GADD45GIP1: variants seen among roughly 807,000 people sequenced by gnomAD.
The protein encoded by GADD45GIP1 is GADD45G interacting protein 1.
A neutral mutation model predicts 22.1 loss-of-function variants in GADD45GIP1; 17 were observed. That is an observed-to-expected ratio of 0.77 (90% CI 0.53 to 1.15). The LOEUF is 1.15. GADD45GIP1 is among the 50% of genes most tolerant of loss of function. GADD45GIP1 has a pLI of 0.00. For synonymous variants in GADD45GIP1, 135 were observed against 138.4 expected (o/e 0.98, Z 0.17); for missense variants, 294 against 314.0 (o/e 0.94, Z 0.48).
rs776064890 is a variant in GADD45GIP1, at chr19:12,953,900, C to T, written c.*308G>A. The T allele has an allele frequency of 3.5e-5, 12 of 344,084 alleles. No homozygotes were observed. Among genetic ancestry groups the T allele is most frequent in the Admixed American group, 9.0e-5 (2 of 22,116 alleles). The allele number at this position is 344,084 out of a possible 1,614,324, so 21.3% of individuals were successfully genotyped here. On this transcript the variant is annotated 3_prime_UTR_variant, in exon 2 of 2. Transcript: ENST00000316939. ...CAGTCTGTTTTGGCTATACTTCCCC[C>T]CCCACCAGCCTTGTAATTGGCTAAT...
chr19:12,953,247 T>TC lies in GADD45GIP1; in HGVS notation c.*960dup, dbSNP rs886983777. ...TCCCATCTCCCGGGCCAGACAGCTG[T>TC]CCCCCCGTCCTCCTCCCCAGCCCAG... On this transcript the variant is annotated 3_prime_UTR_variant, in exon 2 of 2. Transcript: ENST00000316939. The TC allele has an allele frequency of 1.2e-5, 5 of 420,894 alleles. No individual in the cohort carries two copies. The highest frequency in any genetic ancestry group is 2.1e-5 in the Non-Finnish European group (5 of 243,680). 26.1% of individuals were successfully genotyped at this position (420,894 alleles called of 1,614,324 possible).
rs1328897564 is a variant in GADD45GIP1, at chr19:12,954,229, G to A, written c.648C>T (p.Ala216=). The part of the protein sequence containing the change: ...LAAAVAQDPA[A]SGAPSS ...AGCCTCAGGAGCTGGGTGCCCCAGA[G>A]GCTGCTGGGTCTTGAGCCACAGCTG... Residue 216 remains alanine, a synonymous_variant, in exon 2 of 2, where the codon GCC becomes GCT. Coordinates refer to ENST00000316939, the MANE Select transcript of GADD45GIP1 (RefSeq NM_052850.4). The A allele has an allele frequency of 3.7e-6, 6 of 1,613,510 alleles. No homozygotes were observed. The highest frequency in any genetic ancestry group is 5.1e-6 in the Non-Finnish European group (6 of 1,179,850).
chr19:12,957,154 G>A lies in GADD45GIP1; in HGVS notation c.59C>T (p.Pro20Leu). The A allele has an allele frequency of 3.5e-6, 5 of 1,419,098 alleles. No homozygotes were observed. The highest frequency in any genetic ancestry group is 4.5e-6 in the Non-Finnish European group (5 of 1,100,054). The allele number at this position is 1,419,098 out of a possible 1,614,324, so 87.9% of individuals were successfully genotyped here. The change falls in exon 1 of 2, where the codon CCG (proline) becomes CTG (leucine). Residue 20 changes from proline (P) to leucine (L), a missense_variant. Transcript: ENST00000316939. ...SLLGVAATLA[P>L]GSRGYRARPP... ...CCGCGCCCGGTAGCCACGGGAACCC[G>A]GGGCCAGGGTCGCCGCCACACCTAG...
chr19:12,955,107 C>G (rs1971908011), intron 1 of GADD45GIP1, among the ~76,000 whole-genome samples: 1 of 152,128 alleles, frequency 6.6e-6, no homozygotes, highest in South Asian at 2.1e-4. Context: ...CTCCCTCCAC[C>G]CTCCAAAAAG....
At chr19:12,956,341 G>T (rs528328665) in intron 1 of GADD45GIP1, among the ~76,000 whole-genome samples, 1 of 152,188 alleles carries the variant, frequency 6.6e-6, no homozygotes, top group South Asian at 2.1e-4. Flanking sequence ...TCTTGCACAC[G>T]GTATGCGCTC....
chr19:12,954,916 T>G (rs1018000322), intron 1 of GADD45GIP1, among the ~76,000 whole-genome samples: 1 of 152,194 alleles, frequency 6.6e-6, no homozygotes, highest in African/African-American at 2.4e-5. Flanking sequence ...AAGAAAGACA[T>G]TTCCCACCAA....
At position 12,954,008 on chromosome 19, in the gene GADD45GIP1, C is replaced by G; in HGVS notation, c.*200G>C. ...CATTATTTGCCCATTGTACACCCCC[C>G]TTTTCCTCCCACTGAAGCCCCAGTT... On this transcript the variant is annotated 3_prime_UTR_variant, in exon 2 of 2. Coordinates refer to ENST00000316939, the MANE Select transcript of GADD45GIP1 (RefSeq NM_052850.4). 2 of 581,684 alleles carry G rather than the reference C, an allele frequency of 3.4e-6. No homozygotes were observed. The highest frequency in any genetic ancestry group is 6.1e-6 in the Non-Finnish European group (2 of 328,054). The allele number at this position is 581,684 out of a possible 1,614,324, so 36.0% of individuals were successfully genotyped here.
chr19:12,955,068 A>AT (rs1971907335), intron 1 of GADD45GIP1, among the ~76,000 whole-genome samples: 1 of 152,194 alleles, frequency 6.6e-6, no homozygotes, highest in South Asian at 2.1e-4. Context: ...TATTAAACCT[A>AT]GTACCTAGAG....
In GADD45GIP1 at chr19:12,954,507, A is replaced by G. The variant is rs776275022; in HGVS notation, c.370T>C (p.Cys124Arg). ...RREREQHIAE[C>R]MAKMPQMIVN... is the part of the protein sequence containing the mutation. ...ATCATCTGTGGCATCTTGGCCATGC[A>G]CTCTGCGATGTGCTGCTCCCTGCAG... The change falls in exon 2 of 2, where the codon TGC becomes CGC. Residue 124 changes from cysteine to arginine, a missense_variant. Transcript: ENST00000316939. The G allele has an allele frequency of 3.1e-6, 5 of 1,613,302 alleles. No individual in the cohort carries two copies. The African/African-American group carries it at 4.0e-5, about 13-fold the overall frequency.
intron 1 of GADD45GIP1, among the ~76,000 whole-genome samples, chr19:12,955,718 G>A (rs968226787): frequency 1.3e-5 from 2 of 152,132 alleles, no homozygotes; most frequent in Admixed American, 1.3e-4. Context: ...AAAATGAGCC[G>A]GGTGTGGTGG....
In GADD45GIP1 at chr19:12,954,550, G is replaced by C. The variant is rs780209760; in HGVS notation, c.351-24C>G. 3 of 1,585,558 alleles carry C rather than the reference G, an allele frequency of 1.9e-6. No individual in the cohort carries two copies. The African/African-American group carries it at 4.0e-5, about 21-fold the overall frequency. ...CCCTGCAGGGGAGGGAGAGTGGGCT[G>C]TGACACTGGCACTCAGCCAGGGCAG... On this transcript the variant is annotated intron_variant, in intron 1 of 1. Transcript: ENST00000316939.
intron 1 of GADD45GIP1, among the ~76,000 whole-genome samples, chr19:12,955,587 C>T (rs1039504538): frequency 6.6e-6 from 1 of 151,446 alleles, no homozygotes; most frequent in Non-Finnish European, 1.5e-5. Context: ...TGGCCCGACG[C>T]GGTGGCTCAC....
chr19:12,954,622 G>A (rs1010741639), intron 1 of GADD45GIP1, 96 bp from the exon 2 acceptor site: 2 of 971,262 alleles, frequency 2.1e-6, no homozygotes, highest in Admixed American at 2.7e-5. Context: ...CCACGAGCCT[G>A]CCTCCTCAAC....
chr19:12,953,211 G>A lies in GADD45GIP1; in HGVS notation c.*997C>T. ...CAGTCCAGCTTCCTGTCCTCCTAAA[G>A]TGGCCCCTGTTCCCATCTCCCGGGC... is the stretch of plus-strand genomic sequence containing the variant. On this transcript the variant is annotated 3_prime_UTR_variant, in exon 2 of 2. Transcript: ENST00000316939. 1.9e-6 allele frequency: 1 copy of A among 524,116 alleles called. No homozygotes were observed. Among genetic ancestry groups the A allele is most frequent in the Non-Finnish European group, 3.2e-6 (1 of 312,688 alleles). 32.5% of individuals were successfully genotyped at this position (524,116 alleles called of 1,614,324 possible). A position where few individuals can be genotyped will look rare whatever the true frequency, so the allele number is the denominator to read the frequency against.
intron 1 of GADD45GIP1, among the ~76,000 whole-genome samples, chr19:12,955,855 AAACAAC>A (rs577995624): frequency 1.2e-4 from 18 of 151,366 alleles, no homozygotes; most frequent in Admixed American, 1.1e-3. Flanking sequence ...CTCTGCCTCA[AAACAAC>A]AACAACAACA....
chr19:12,955,855 AAACAACAAC>A (rs577995624), intron 1 of GADD45GIP1, among the ~76,000 whole-genome samples: 7 of 151,484 alleles, frequency 4.6e-5, no homozygotes, highest in African/African-American at 9.7e-5. Context: ...CTCTGCCTCA[AAACAACAAC>A]AACAACAACA....
Position 12,953,217 on chromosome 19 carries a change from CCT to C in GADD45GIP1, c.*989_*990del, listed in dbSNP as rs1039726753. 1.6e-5 allele frequency: 8 copies of C among 494,164 alleles called. No homozygotes were observed. The East Asian group carries it at 1.7e-4, about 11-fold the overall frequency. The allele number at this position is 494,164 out of a possible 1,614,324, so 30.6% of individuals were successfully genotyped here. Reference sequence around the variant, plus strand: ...AGCTTCCTGTCCTCCTAAAGTGGCCCCTGTTCCCATCTCCCGGGCCAGACAGC... The same window carrying C: ...AGCTTCCTGTCCTCCTAAAGTGGCCCGTTCCCATCTCCCGGGCCAGACAGC... On this transcript the variant is annotated 3_prime_UTR_variant, in exon 2 of 2. Coordinates refer to ENST00000316939, the MANE Select transcript of GADD45GIP1 (RefSeq NM_052850.4).
At position 12,954,123 on chromosome 19, in the gene GADD45GIP1, G is replaced by T. The variant is rs1366272481; in HGVS notation, c.*85C>A. ...TTAAGTATTGGGGGAGGAACCAGGG[G>T]ACCCAGAGAGGCACACCTTGAGAGG... On this transcript the variant is annotated 3_prime_UTR_variant, in exon 2 of 2. Coordinates refer to ENST00000316939, the MANE Select transcript of GADD45GIP1 (RefSeq NM_052850.4). 1.7e-5 allele frequency: 20 copies of T among 1,178,826 alleles called. No homozygotes were observed. The highest frequency in any genetic ancestry group is 1.9e-5 in the Non-Finnish European group (16 of 822,218). 73.0% of individuals were successfully genotyped at this position (1,178,826 alleles called of 1,614,324 possible).
At position 12,954,324 on chromosome 19, in the gene GADD45GIP1, T is replaced by C; in HGVS notation, c.553A>G (p.Lys185Glu). Residue 185 changes from lysine to glutamate, a missense_variant, in exon 2 of 2, where the codon AAG (lysine) becomes GAG (glutamate). Lys to Glu is a moderately conservative substitution (Grantham distance 56). Coordinates refer to ENST00000316939, the MANE Select transcript of GADD45GIP1 (RefSeq NM_052850.4). Reference sequence around the variant, plus strand: ...TCCTCCTTGAGGCGCTTGCGCTCCTTCTTCTCTAGGTCCTGGAGCAGCTCC... The same window carrying C: ...TCCTCCTTGAGGCGCTTGCGCTCCTCCTTCTCTAGGTCCTGGAGCAGCTCC... ...FQELLQDLEK[K>E]ERKRLKEEKQ... The C allele has an allele frequency of 3.1e-6, 5 of 1,614,110 alleles. No individual in the cohort carries two copies. The highest frequency in any genetic ancestry group is 3.4e-6 in the Non-Finnish European group (4 of 1,179,958).
Sources: allele counts gnomAD v4.1 joint callset (sites outside exome capture counted in the v4.1 genomes callset), GRCh38; gene constraint gnomAD v4.1.1; transcripts MANE v1.5; gene names NCBI Gene and HGNC (gene_info 2026-07-23, HGNC 2026-07-21).